PITPNA: variants seen among roughly 807,000 people sequenced by gnomAD.
PITPNA encodes phosphatidylinositol transfer protein alpha isoform.
A neutral mutation model predicts 50.3 loss-of-function variants in PITPNA; 13 were observed. The ratio of observed to expected loss-of-function variants is 0.26; its 90% CI spans 0.17 to 0.41. The LOEUF is 0.41. Among genes scored for constraint, PITPNA ranks in the 10% least tolerant of loss-of-function variants. The probability of loss-of-function intolerance (pLI) is 1.00; values close to 1 mark genes in which losing one functional copy is unlikely to be tolerated. For missense variants in PITPNA, 207 were observed against 333.4 expected, an observed-to-expected ratio of 0.62 and a Z score of 2.95; for synonymous variants, 120 against 119.6, an observed-to-expected ratio of 1.00 and a Z score of -0.02.
At chr17:1,532,367 G>A (rs2075588847) in intron 10 of PITPNA, among the ~76,000 whole-genome samples, 2 of 152,262 alleles carry the variant, frequency 1.3e-5, no homozygotes, top group South Asian at 4.1e-4. Flanking sequence ...GATTACAGGT[G>A]TGAGCCACCG....
At chr17:1,538,804 T>G in intron 7 of PITPNA, 65 bp downstream of exon 7, 1 of 952,770 alleles carries the variant, frequency 1.0e-6, no homozygotes, top group East Asian at 2.4e-5. Context: ...GTTTCCTGGT[T>G]TCTTTAGCAT....
chr17:1,521,858 C>T (rs910174100), intron 10 of PITPNA, among the ~76,000 whole-genome samples: 5 of 148,208 alleles, frequency 3.4e-5, no homozygotes, highest in South Asian at 2.1e-4. Context: ...TCTCGTGTCA[C>T]GGTGTTTGAA....
chr17:1,556,175 A>G (rs973859684), intron 2 of PITPNA, among the ~76,000 whole-genome samples: 3 of 152,174 alleles, frequency 2.0e-5, no homozygotes, highest in African/African-American at 7.2e-5. Context: ...TTCCCCTCCA[A>G]GATTTTTCTA....
In PITPNA at chr17:1,519,675, A is replaced by G. The variant is rs1243783473; in HGVS notation, c.*886T>C. On this transcript the variant is annotated 3_prime_UTR_variant, in exon 12 of 12. Coordinates refer to ENST00000313486, the MANE Select transcript of PITPNA (RefSeq NM_006224.4). ...GAAAAGAGGATTATTGCTGAGTGGC[A>G]GCACCAGCCCCAAAGGGAAGAGGAG... 6.5e-6 allele frequency: 1 copy of G among 152,754 alleles called. No individual in the cohort carries two copies. Among genetic ancestry groups the G allele is most frequent in the Non-Finnish European group, 1.5e-5 (1 of 68,112 alleles). The allele number at this position is 152,754 out of a possible 1,614,324, so 9.5% of individuals were successfully genotyped here. A position where few individuals can be genotyped will look rare whatever the true frequency, so the allele number is the denominator to read the frequency against.
chr17:1,531,215 C>T (rs1413338144), intron 10 of PITPNA, among the ~76,000 whole-genome samples: 1 of 152,102 alleles, frequency 6.6e-6, no homozygotes, highest in Non-Finnish European at 1.5e-5. Context: ...TCAGTGTGGC[C>T]TCCAGAATGC....
At chr17:1,543,990 G>A (rs1042545822) in intron 4 of PITPNA, among the ~76,000 whole-genome samples, 4 of 152,196 alleles carry the variant, frequency 2.6e-5, no homozygotes, top group Non-Finnish European at 5.9e-5. Context: ...GGGCCCCGGA[G>A]GCCCAGCCCC....
rs767459668 is a variant in PITPNA at position 1,534,148 on chromosome 17, A to G, written c.719T>C (p.Met240Thr). 1 of 1,613,806 alleles carries G rather than the reference A, an allele frequency of 6.2e-7. No individual in the cohort carries two copies. The highest frequency in any genetic ancestry group is 1.7e-5 in the Admixed American group (1 of 59,994). Residue 240 changes from methionine to threonine, a missense_variant, in exon 10 of 12, where the codon ATG (methionine) becomes ACG (threonine). By Grantham distance (81) the Met-to-Thr change is moderately conservative. Transcript: ENST00000313486. Reference sequence around the variant, plus strand: ...TTCTTCCATCCTTCGAATGTCGTCCATGGTCAGGTCAACCCACTTATCGAG... The same window carrying G: ...TTCTTCCATCCTTCGAATGTCGTCCGTGGTCAGGTCAACCCACTTATCGAG... Reference protein sequence around the residue: ...CWLDKWVDLTMDDIRRMEEET... With the variant: ...CWLDKWVDLTTDDIRRMEEET...
chr17:1,521,235 CTGGCG>C (rs2075509710), intron 11 of PITPNA, among the ~76,000 whole-genome samples: 1 of 152,158 alleles, frequency 6.6e-6, no homozygotes, highest in Non-Finnish European at 1.5e-5. Flanking sequence ...GGAGCTGGCG[CTGGCG>C]TGGGAAGGCC....
chr17:1,560,766 C>T (rs1479796931), intron 1 of PITPNA, among the ~76,000 whole-genome samples: 2 of 152,324 alleles, frequency 1.3e-5, no homozygotes, highest in African/African-American at 4.8e-5. Flanking sequence ...TAAAGTTCTT[C>T]CTCCTCACCA....
At chr17:1,549,403 T>C (rs2075696448) in intron 3 of PITPNA, among the ~76,000 whole-genome samples, 1 of 148,460 alleles carries the variant, frequency 6.7e-6, no homozygotes, top group African/African-American at 2.5e-5. Context: ...TGCAAGCTCC[T>C]CCTCCCAGGT....
chr17:1,532,554 C>T (rs1189122566), intron 10 of PITPNA, among the ~76,000 whole-genome samples: 5 of 152,226 alleles, frequency 3.3e-5, no homozygotes, highest in African/African-American at 1.2e-4. Context: ...ACAGCAAATA[C>T]TTCCACGAAC....
intron 10 of PITPNA, among the ~76,000 whole-genome samples, chr17:1,533,281 C>T (rs896057034): frequency 4.0e-5 from 6 of 149,702 alleles, no homozygotes; most frequent in African/African-American, 1.5e-4. Context: ...GCTGTGGTTC[C>T]AGGGCCAGAG....
At chr17:1,561,992 C>G (rs2075770866) in intron 1 of PITPNA, among the ~76,000 whole-genome samples, 1 of 152,108 alleles carries the variant, frequency 6.6e-6, no homozygotes, top group African/African-American at 2.4e-5. Context: ...GGCCTCTCAG[C>G]GCCGCCTGCA....
Position 1,520,246 on chromosome 17 carries a change from A to C in PITPNA, c.*315T>G, listed in dbSNP as rs1259224340. ...AGACTGAAAATGTCACTTGGAAATA[A>C]AGGTTGGGGGAACACACAGAAATGG... On this transcript the variant is annotated 3_prime_UTR_variant, in exon 12 of 12. Coordinates refer to ENST00000313486, the MANE Select transcript of PITPNA (RefSeq NM_006224.4). The C allele has an allele frequency of 6.6e-6, 1 of 152,590 alleles. No homozygotes were observed. Among genetic ancestry groups the C allele is most frequent in the Non-Finnish European group, 1.5e-5 (1 of 68,050 alleles). The allele number at this position is 152,590 out of a possible 1,614,324, so 9.5% of individuals were successfully genotyped here.
intron 10 of PITPNA, among the ~76,000 whole-genome samples, chr17:1,524,806 A>G (rs571868003): frequency 4.0e-5 from 6 of 151,098 alleles, no homozygotes; most frequent in African/African-American, 1.2e-4. Context: ...CTGAGATGGC[A>G]CCGCTGCACT....
intron 3 of PITPNA, 113 bp from the exon 4 acceptor site, chr17:1,548,500 G>A: frequency 4.2e-6 from 3 of 715,114 alleles, no homozygotes; most frequent in South Asian, 1.8e-5. Context: ...TCCATGCAAT[G>A]AGCAGGTTAC....
intron 3 of PITPNA, 27 bp from the exon 4 acceptor site, chr17:1,548,414 A>C: frequency 6.7e-7 from 1 of 1,485,394 alleles, no homozygotes; most frequent in Non-Finnish European, 9.3e-7. Flanking sequence ...AAGGGGTATA[A>C]AGAGAAATGG....
intron 10 of PITPNA, among the ~76,000 whole-genome samples, chr17:1,524,067 C>T (rs577383572): frequency 0.012 from 1,626 of 135,458 alleles, 18 homozygotes; most frequent in Middle Eastern, 0.026. Flanking sequence ...TTTTTTGAGA[C>T]GGAGTCTCGC....
intron 4 of PITPNA, among the ~76,000 whole-genome samples, chr17:1,545,754 G>C (rs1332254639): frequency 1.3e-5 from 2 of 152,036 alleles, no homozygotes; most frequent in Admixed American, 6.6e-5. Context: ...ATGACACAGA[G>C]AACAGGGGCA....
Sources: gnomAD v4.1 joint callset for allele counts (sites outside exome capture counted in the v4.1 genomes callset) on GRCh38, gnomAD v4.1.1 for gene constraint, MANE v1.5 for transcripts, NCBI Gene and HGNC (gene_info 2026-07-23, HGNC 2026-07-21) for gene names.